The following XIRP2 variants were observed in gnomAD, a reference collection of about 807,000 sequenced individuals.
XIRP2 encodes the protein xin actin-binding repeat-containing protein 2.
In XIRP2, 236 loss-of-function variants were observed where a neutral mutation model predicts 277.0. The observed-to-expected ratio is 0.85, with a 90% CI of 0.77 to 0.95. The LOEUF (loss-of-function observed/expected upper bound fraction) is 0.95. Ranked by LOEUF, XIRP2 falls within the 40% of genes least tolerant of loss-of-function variation. XIRP2 has a pLI of 0.00. For missense variants in XIRP2, 4,640 were observed against 4,157.5 expected, an observed-to-expected ratio of 1.12 and a Z score of -3.19; for synonymous variants, 1,490 against 1,416.5, an observed-to-expected ratio of 1.05 and a Z score of -1.17.
At position 167,245,105 on chromosome 2, in the gene XIRP2, A is replaced by G; in HGVS notation, c.3713A>G (p.Asn1238Ser). 6.2e-7 allele frequency: 1 copy of G among 1,610,632 alleles called. No homozygotes were observed. The highest frequency in any genetic ancestry group is 1.3e-5 in the African/African-American group (1 of 74,698). Residue 1238 changes from asparagine to serine, a missense_variant, in exon 9 of 11, where the codon AAT becomes AGT. Coordinates refer to ENST00000409195, the MANE Select transcript of XIRP2 (RefSeq NM_152381.6). ...TEDIQKGNVL[N>S]CRWLFENQPI... ...GATATTCAGAAAGGCAATGTTTTAA[A>G]TTGTAGGTGGCTTTTTGAAAACCAA...
chr2:167,117,894 G>T (rs1431456250), intron 2 of XIRP2, among the ~76,000 whole-genome samples: 1 of 152,074 alleles, frequency 6.6e-6, no homozygotes, highest in East Asian at 1.9e-4. Context: ...AAATGACCTG[G>T]CACTTTACTT....
intron 2 of XIRP2, among the ~76,000 whole-genome samples, chr2:167,019,155 A>G (rs2105482055): frequency 6.6e-6 from 1 of 152,124 alleles, no homozygotes; most frequent in South Asian, 2.1e-4. Context: ...TGAATATGAA[A>G]TATTTTCTAC....
At chr2:166,974,690 T>G (rs1558935150) in intron 2 of XIRP2, among the ~76,000 whole-genome samples, 1 of 151,866 alleles carries the variant, frequency 6.6e-6, no homozygotes, top group Non-Finnish European at 1.5e-5. Context: ...CTAAAGTTAA[T>G]TATATAAAAA....
At chr2:167,074,217 T>C (rs555874247) in intron 2 of XIRP2, among the ~76,000 whole-genome samples, 2 of 152,260 alleles carry the variant, frequency 1.3e-5, no homozygotes, top group South Asian at 2.1e-4. Flanking sequence ...ATACTTACAA[T>C]GTTTCAAGGT....
At position 167,007,701 on chromosome 2, in the gene XIRP2, TCTCACACA is replaced by T. The variant is rs1365307022; in HGVS notation, c.408+103813_408+103820del. ...TACACTCTCTCTCTCTCTCTCTCTCTCTCACACACACACACACACACACACACACACAC... is the reference window on the plus strand; with the variant it reads ...TACACTCTCTCTCTCTCTCTCTCTCTCACACACACACACACACACACACAC... On this transcript the variant is annotated intron_variant, in intron 2 of 10. Coordinates refer to ENST00000409195, the MANE Select transcript of XIRP2 (RefSeq NM_152381.6). 6.6e-3 allele frequency among the ~76,000 whole-genome samples: 766 copies of T among 115,238 alleles called. 3 individuals are homozygous for T. The highest frequency in any genetic ancestry group is 0.016 in the South Asian group (56 of 3,488). 75.6% of individuals were successfully genotyped at this position (115,238 alleles called of 152,430 possible).
Position 167,247,527 on chromosome 2 carries a change from A to T in XIRP2, c.6135A>T (p.Arg2045Ser), listed in dbSNP as rs755714137. The stretch of plus-strand genomic sequence containing the variant: ...ATGCTCTGGAGAAAAGCCTTAGAAG[A>T]CTATCTAATTCACACCATAAATCTA... ...NNDALEKSLR[R>S]LSNSHHKSNV... is the part of the protein sequence containing the mutation. The change falls in exon 9 of 11, where the codon AGA becomes AGT. Residue 2045 changes from arginine to serine, a missense_variant. Coordinates refer to ENST00000409195, the MANE Select transcript of XIRP2 (RefSeq NM_152381.6). 1.2e-6 allele frequency: 2 copies of T among 1,613,776 alleles called. No individual in the cohort carries two copies.
At chr2:166,967,123 G>C (rs1359802645) in intron 2 of XIRP2, among the ~76,000 whole-genome samples, 1 of 151,828 alleles carries the variant, frequency 6.6e-6, no homozygotes, top group African/African-American at 2.4e-5. Flanking sequence ...TCAGAATCCT[G>C]ATAATGAGAG....
At chr2:167,119,271 AAGGTGT>A (rs1690984324) in intron 2 of XIRP2, among the ~76,000 whole-genome samples, 1 of 152,148 alleles carries the variant, frequency 6.6e-6, no homozygotes, top group African/African-American at 2.4e-5. Context: ...GGCATCTTGG[AAGGTGT>A]TTTGAGGAGA....
intron 2 of XIRP2, among the ~76,000 whole-genome samples, chr2:167,027,052 C>T (rs1346592653): frequency 2.0e-5 from 3 of 152,018 alleles, no homozygotes; most frequent in African/African-American, 7.2e-5. Context: ...TGTTGGCCTG[C>T]CTTTATAGAT....
chr2:166,914,529 A>T (rs1430639145), intron 2 of XIRP2, among the ~76,000 whole-genome samples: 11 of 151,938 alleles, frequency 7.2e-5, no homozygotes, highest in Admixed American at 7.2e-4. Flanking sequence ...TTTAGTAGAG[A>T]TGGGATTTCA....
chr2:167,150,306 G>T (rs1402498566), intron 3 of XIRP2, among the ~76,000 whole-genome samples: 1 of 151,930 alleles, frequency 6.6e-6, no homozygotes, highest in Non-Finnish European at 1.5e-5. Context: ...GTTGTTGGTG[G>T]TAGTATAAAA....
At chr2:167,194,532 C>T (rs751971397) in intron 3 of XIRP2, among the ~76,000 whole-genome samples, 4 of 152,072 alleles carry the variant, frequency 2.6e-5, no homozygotes, top group African/African-American at 9.7e-5. Context: ...TTATAACCAG[C>T]CTTGAAATGT....
rs201745859 is a variant in XIRP2 at position 167,242,634 on chromosome 2, C to T, written c.1242C>T (p.Cys414=). The part of the protein sequence containing the change: ...SSVVSTSSTS[C]VSTSQRKETS... Reference sequence around the variant, plus strand: ...TTGTGAGTACCTCTTCCACTTCTTGCGTTTCAACCAGCCAGAGGAAGGAAA... The same window carrying T: ...TTGTGAGTACCTCTTCCACTTCTTGTGTTTCAACCAGCCAGAGGAAGGAAA... Residue 414 remains cysteine, a synonymous_variant, in exon 9 of 11, where the codon TGC becomes TGT. Transcript: ENST00000409195. 80 of 1,614,014 alleles carry T rather than the reference C, an allele frequency of 5.0e-5. No homozygotes were observed. The highest frequency in any genetic ancestry group is 1.5e-4 in the African/African-American group (11 of 75,008).
chr2:167,222,002 G>A (rs1473442916), intron 5 of XIRP2, among the ~76,000 whole-genome samples: 2 of 152,124 alleles, frequency 1.3e-5, no homozygotes, highest in East Asian at 1.9e-4. Flanking sequence ...ATGTTTCAGG[G>A]TAATTAGCTG....
At chr2:167,055,011 AAGCT>A (rs532796506) in intron 2 of XIRP2, among the ~76,000 whole-genome samples, 129 of 152,316 alleles carry the variant, frequency 8.5e-4, no homozygotes, top group African/African-American at 2.8e-3. Context: ...ATTTTGATCA[AAGCT>A]AGCTGTAGGG....
chr2:166,962,937 G>A (rs1686334612), intron 2 of XIRP2, among the ~76,000 whole-genome samples: 1 of 151,638 alleles, frequency 6.6e-6, no homozygotes, highest in South Asian at 2.1e-4. Flanking sequence ...ATAAGTTTTA[G>A]TGTTCTGTAG....
intron 2 of XIRP2, among the ~76,000 whole-genome samples, chr2:166,999,951 G>A (rs941037435): frequency 2.0e-5 from 3 of 152,082 alleles, no homozygotes; most frequent in African/African-American, 4.8e-5. Flanking sequence ...GAGAACTCAA[G>A]TAGAGGTAAA....
chr2:167,250,610 A>G lies in XIRP2; in HGVS notation c.9218A>G (p.Lys3073Arg). The change falls in exon 9 of 11, where the codon AAA (lysine) becomes AGA (arginine). Residue 3073 changes from lysine (K) to arginine (R), a missense_variant. Physicochemically the swap from Lys to Arg is conservative, Grantham distance 26. Coordinates refer to ENST00000409195, the MANE Select transcript of XIRP2 (RefSeq NM_152381.6). ...NNKNSEQKEN[K>R]IAKEKTVQHQ... Reference sequence around the variant, plus strand: ...AAAAATAGTGAACAGAAAGAAAATAAAATTGCCAAAGAGAAAACAGTACAG... The same window carrying G: ...AAAAATAGTGAACAGAAAGAAAATAGAATTGCCAAAGAGAAAACAGTACAG... The G allele has an allele frequency of 1.2e-6, 2 of 1,613,400 alleles. No homozygotes were observed. The highest frequency in any genetic ancestry group is 1.7e-6 in the Non-Finnish European group (2 of 1,179,660).
In XIRP2 at chr2:167,184,617, G is replaced by A. The variant is rs1017430515; in HGVS notation, c.563-26118G>A. On this transcript the variant is annotated intron_variant, in intron 3 of 10. Coordinates refer to ENST00000409195, the MANE Select transcript of XIRP2 (RefSeq NM_152381.6). ...AAATTGACAAAGACCCCCAAGAACA[G>A]CCTCAAATCCTCAACTTATATTTGT... 8.4e-6 allele frequency: 6 copies of A among 717,132 alleles called. No homozygotes were observed. The African/African-American group carries it at 8.7e-5, about 10-fold the overall frequency. 44.4% of individuals were successfully genotyped at this position (717,132 alleles called of 1,614,324 possible).
Sources: gnomAD v4.1 joint callset for allele counts (sites outside exome capture counted in the v4.1 genomes callset) on GRCh38, gnomAD v4.1.1 for gene constraint, MANE v1.5 for transcripts, NCBI Gene and HGNC (gene_info 2026-07-23, HGNC 2026-07-21) for gene names.